WDR44: variants seen among roughly 807,000 people sequenced by gnomAD.
WDR44 encodes the protein WD repeat domain 44.
WDR44 carries 9 observed loss-of-function variants against 65.7 expected under a neutral mutation model. The ratio of observed to expected loss-of-function variants is 0.14; its 90% confidence interval spans 0.08 to 0.24. WDR44 has a LOEUF of 0.24. Among genes scored for constraint, WDR44 ranks in the 10% least tolerant of loss-of-function variants. The probability of loss-of-function intolerance (pLI) is 1.00; values close to 1 mark genes in which losing one functional copy is unlikely to be tolerated. For synonymous variants in WDR44, 220 were observed against 235.2 expected, an observed-to-expected ratio of 0.94 and a Z score of 0.59; for missense variants, 425 against 670.9, an observed-to-expected ratio of 0.63 and a Z score of 4.05.
In WDR44 at chrX:118,438,292, G is replaced by A. The variant is rs180929946; in HGVS notation, c.1974+1468G>A. On this transcript the variant is annotated intron_variant, in intron 14 of 19. Transcript: ENST00000254029. ...TTCCCTATACACACAACAAAAGGATGGATTTACCCCATCAGCAACTGTGAG... is the reference window on the plus strand; with the variant it reads ...TTCCCTATACACACAACAAAAGGATAGATTTACCCCATCAGCAACTGTGAG... Among the ~76,000 whole-genome samples, 260 of 111,888 alleles carry A rather than the reference G, an allele frequency of 2.3e-3. 2 individuals carry two copies. Among genetic ancestry groups the A allele is most frequent in the African/African-American group, 8.2e-3 (253 of 30,867 alleles).
chrX:118,400,166 T>G (rs1014026321), intron 8 of WDR44, among the ~76,000 whole-genome samples: 2 of 110,645 alleles, frequency 1.8e-5, no homozygotes, highest in Non-Finnish European at 3.8e-5. Context: ...CTTATGCCAT[T>G]GACACACAGA....
chrX:118,416,060 G>A (rs2147727092), intron 12 of WDR44, among the ~76,000 whole-genome samples: 1 of 111,509 alleles, frequency 9.0e-6, no homozygotes, highest in South Asian at 3.7e-4. Flanking sequence ...AGGTTATTTG[G>A]ATTTTCTCTT....
In WDR44 at chrX:118,442,555, C is replaced by A. The variant is rs2057312471; in HGVS notation, c.2269-10C>A. 8.4e-7 allele frequency: 1 copy of A among 1,184,001 alleles called. No individual in the cohort carries two copies. Among genetic ancestry groups the A allele is most frequent in the African/African-American group, 1.8e-5 (1 of 56,564 alleles). The stretch of plus-strand genomic sequence containing the variant: ...TGATATTTTTAACTTTTCATTTGAT[C>A]TACTTTTAGATATTGGTAACCTCAA... On this transcript the variant is annotated splice_polypyrimidine_tract_variant and intron_variant, in intron 16 of 19. Coordinates refer to ENST00000254029, the MANE Select transcript of WDR44 (RefSeq NM_019045.5).
At chrX:118,390,259 A>C (rs2056808174) in intron 3 of WDR44, among the ~76,000 whole-genome samples, 1 of 110,292 alleles carries the variant, frequency 9.1e-6, no homozygotes, top group Admixed American at 9.8e-5. Context: ...CTTTAGCATA[A>C]TCATCTCTAT....
At chrX:118,357,182 A>G (rs1319250498) in intron 1 of WDR44, among the ~76,000 whole-genome samples, 35 of 111,565 alleles carry the variant, frequency 3.1e-4, no homozygotes, top group Non-Finnish European at 3.8e-5. Context: ...TCAAGTACAT[A>G]AAGCATAGAA....
chrX:118,395,918 AG>A (rs747750006), intron 6 of WDR44, among the ~76,000 whole-genome samples: 13 of 110,617 alleles, frequency 1.2e-4, no homozygotes, highest in Non-Finnish European at 2.5e-4. Flanking sequence ...AGTTACCCAG[AG>A]GCTGAGGCAG....
intron 12 of WDR44, among the ~76,000 whole-genome samples, chrX:118,425,395 C>T (rs898662613): frequency 4.5e-5 from 5 of 112,027 alleles, no homozygotes; most frequent in Non-Finnish European, 1.9e-5. Context: ...TGCCTGTAAT[C>T]CCAGCACTTT....
chrX:118,396,867 T>C, intron 6 of WDR44, 103 bp from the exon 7 acceptor site: 1 of 909,713 alleles, frequency 1.1e-6, no homozygotes, highest in Non-Finnish European at 1.5e-6. Flanking sequence ...ATTGAATATA[T>C]CTAAAAAGCC....
rs757542334 is a variant in WDR44 at position 118,368,459 on chromosome X, C to CTATATATATATATATATATATATA, written c.78-9938_78-9937insTATATATATATATATATATATATA. On this transcript the variant is annotated intron_variant, in intron 1 of 19. Transcript: ENST00000254029. ...CCACATACATGTTTTGAAATAGTGA[C>CTATATATATATATATATATATATA]TATATATATATATATATATATACTT... Among the ~76,000 whole-genome samples the CTATATATATATATATATATATATA allele has an allele frequency of 8.9e-3, 649 of 72,668 alleles. 39 individuals carry two copies. Among genetic ancestry groups the CTATATATATATATATATATATATA allele is most frequent in the East Asian group, 0.018 (34 of 1,942 alleles). The allele number at this position is 72,668 out of a possible 115,157, so 63.1% of individuals were successfully genotyped here.
intron 12 of WDR44, among the ~76,000 whole-genome samples, chrX:118,416,018 A>G (rs755980567): frequency 9.0e-6 from 1 of 111,501 alleles, no homozygotes; most frequent in South Asian, 3.7e-4. Context: ...CAGTGATGTC[A>G]GTTGTAATAT....
At chrX:118,386,379 C>A (rs2056766357) in intron 2 of WDR44, 1 of 358,396 alleles carries the variant, frequency 2.8e-6, no homozygotes, top group East Asian at 8.3e-5. Context: ...AGCAGAAATG[C>A]AGTATCCATT....
chrX:118,435,298 G>A (rs761638118), intron 13 of WDR44, among the ~76,000 whole-genome samples: 43 of 111,831 alleles, frequency 3.8e-4, no homozygotes, highest in African/African-American at 1.3e-3. Context: ...TTTTTTTTGA[G>A]ACAGAGTCTC....
At chrX:118,424,323 G>GTATATATATATATATATA (rs1171699587) in intron 12 of WDR44, among the ~76,000 whole-genome samples, 3 of 65,548 alleles carry the variant, frequency 4.6e-5, no homozygotes, top group African/African-American at 3.0e-4. Context: ...GTGTGTGTGT[G>GTATATATATATATATATA]TATATATATA....
At chrX:118,371,489 A>G (rs1248396303) in intron 1 of WDR44, among the ~76,000 whole-genome samples, 1 of 111,807 alleles carries the variant, frequency 8.9e-6, no homozygotes. Context: ...AGTGAAGAAT[A>G]TATTAATTTG....
At chrX:118,433,984 C>T (rs146067469) in intron 13 of WDR44, among the ~76,000 whole-genome samples, 12 of 111,544 alleles carry the variant, frequency 1.1e-4, no homozygotes, top group African/African-American at 2.9e-4. Context: ...TGCTTAAAGG[C>T]GTATAGCTAG....
rs765897327 is a variant in WDR44, at chrX:118,391,512, C to T, written c.187-1120C>T. ...ACCAGATTAGGATGGTTCTATGATGCATTCTGTTAACTTTCTGAAGCCAGG... is the reference window on the plus strand; with the variant it reads ...ACCAGATTAGGATGGTTCTATGATGTATTCTGTTAACTTTCTGAAGCCAGG... On this transcript the variant is annotated intron_variant, in intron 3 of 19. Transcript: ENST00000254029. 4.5e-5 allele frequency among the ~76,000 whole-genome samples: 5 copies of T among 112,148 alleles called. No homozygotes were observed. The South Asian group carries it at 1.5e-3, about 33-fold the overall frequency.
chrX:118,414,975 T>G (rs748047214), intron 12 of WDR44, among the ~76,000 whole-genome samples: 11 of 111,822 alleles, frequency 9.8e-5, no homozygotes, highest in African/African-American at 3.6e-4. Flanking sequence ...GAGGGAATGC[T>G]TTCAATTTTT....
chrX:118,429,339 A>G (rs1268438000), intron 12 of WDR44, among the ~76,000 whole-genome samples: 1 of 111,604 alleles, frequency 9.0e-6, no homozygotes, highest in African/African-American at 3.3e-5. Context: ...CTGTAATCCC[A>G]GCACTTTGGG....
In WDR44 at chrX:118,436,789, A is replaced by G. The variant is rs1569384709; in HGVS notation, c.1939A>G (p.Ile647Val). The G allele has an allele frequency of 9.2e-6, 11 of 1,195,840 alleles. No individual in the cohort carries two copies. Among genetic ancestry groups the G allele is most frequent in the Non-Finnish European group, 1.2e-5 (11 of 885,522 alleles). ...RRECLCCFQH[I>V]DFVTAIAFHP... ...AGAATGCCTTTGCTGTTTTCAACAT[A>G]TAGATTTTGTCACTGCCATAGCTTT... The change falls in exon 14 of 20, where the codon ATA becomes GTA. Residue 647 changes from isoleucine to valine, a missense_variant. By Grantham distance (29) the Ile-to-Val change is conservative. This residue lies in a region of WDR44 where 73 missense variants were observed against 187.4 expected (regional missense o/e 0.39). Transcript: ENST00000254029.
Sources: allele counts gnomAD v4.1 joint callset (sites outside exome capture counted in the v4.1 genomes callset), GRCh38; gene constraint gnomAD v4.1.1; regional missense constraint gnomAD v4.1.1; transcripts MANE v1.5; gene names NCBI Gene and HGNC (gene_info 2026-07-23, HGNC 2026-07-21).